The following SAMMSON variants were observed in gnomAD, a reference collection of about 807,000 sequenced individuals.
SAMMSON encodes long intergenic non-protein coding RNA 1212.
intron 6 of SAMMSON, among the ~76,000 whole-genome samples, chr3:70,280,465 G>A (rs1257876576): frequency 7.2e-5 from 11 of 152,222 alleles, no homozygotes; most frequent in African/African-American, 1.4e-4. Flanking sequence ...TCTCAAATAA[G>A]GCATCAATAC....
intron 4 of SAMMSON, among the ~76,000 whole-genome samples, chr3:70,209,525 G>A (rs1268885897): frequency 6.6e-6 from 1 of 152,036 alleles, no homozygotes; most frequent in Non-Finnish European, 1.5e-5. Context: ...GTATGAATGG[G>A]TATCCCCAGT....
At chr3:70,379,811 T>C (rs1476743590) in intron 9 of SAMMSON, among the ~76,000 whole-genome samples, 5 of 152,126 alleles carry the variant, frequency 3.3e-5, no homozygotes, top group Non-Finnish European at 7.3e-5. Context: ...AAGCGTGTTA[T>C]GCATGCTACC....
intron 4 of SAMMSON, among the ~76,000 whole-genome samples, chr3:70,129,272 G>A (rs189050545): frequency 1.3e-5 from 2 of 152,248 alleles, no homozygotes; most frequent in Non-Finnish European, 1.5e-5. Context: ...AGTACTTACT[G>A]TGTTCCAGGT....
At chr3:70,374,112 C>T (rs928022867) in intron 9 of SAMMSON, among the ~76,000 whole-genome samples, 2 of 152,134 alleles carry the variant, frequency 1.3e-5, no homozygotes, top group South Asian at 4.1e-4. Context: ...CAGGGTTTCT[C>T]CATGTTGGTC....
At chr3:70,341,714 G>A (rs993392788) in intron 7 of SAMMSON, among the ~76,000 whole-genome samples, 5 of 152,050 alleles carry the variant, frequency 3.3e-5, no homozygotes, top group East Asian at 3.9e-4. Flanking sequence ...TTTTGTCCAC[G>A]AGGACATAAG....
chr3:70,318,300 AT>A (rs992471655), intron 7 of SAMMSON, among the ~76,000 whole-genome samples: 13 of 151,870 alleles, frequency 8.6e-5, no homozygotes, highest in Admixed American at 8.5e-4. Flanking sequence ...GGCTTTGATC[AT>A]TTTTTTCCCC....
chr3:70,192,570 C>T (rs749651753), intron 4 of SAMMSON, among the ~76,000 whole-genome samples: 3 of 152,160 alleles, frequency 2.0e-5, no homozygotes, highest in Admixed American at 1.3e-4. Context: ...GATAAACAAC[C>T]CCTACTCTCT....
At chr3:70,209,433 C>T (rs759878754) in intron 4 of SAMMSON, among the ~76,000 whole-genome samples, 39 of 151,972 alleles carry the variant, frequency 2.6e-4, no homozygotes, top group African/African-American at 8.7e-4. Context: ...TCTATGTTAC[C>T]GCTTATATAC....
intron 4 of SAMMSON, among the ~76,000 whole-genome samples, chr3:70,192,401 C>G (rs1701137615): frequency 6.6e-6 from 1 of 152,192 alleles, no homozygotes; most frequent in South Asian, 2.1e-4. Flanking sequence ...GAGAAGGAGA[C>G]TTGGCCAGGG....
chr3:70,300,350 C>T (rs1996817), intron 7 of SAMMSON, among the ~76,000 whole-genome samples: 72,655 of 151,832 alleles, frequency 0.48, 18,010 homozygotes, highest in Non-Finnish European at 0.55. Flanking sequence ...ATTATACAGA[C>T]GTTTATTATA....
At chr3:70,141,324 G>C (rs2067526707) in intron 4 of SAMMSON, among the ~76,000 whole-genome samples, 1 of 152,218 alleles carries the variant, frequency 6.6e-6, no homozygotes, top group African/African-American at 2.4e-5. Flanking sequence ...GTTTGAGCCT[G>C]AGGGTCTGAG....
At chr3:70,095,584 C>T (rs1447094468) in intron 4 of SAMMSON, among the ~76,000 whole-genome samples, 1 of 152,140 alleles carries the variant, frequency 6.6e-6, no homozygotes, top group African/African-American at 2.4e-5. Context: ...AAAAAGTAGG[C>T]TCAACACCCA....
At chr3:70,271,950 A>G (rs1045746251) in intron 6 of SAMMSON, 3 of 152,166 alleles carry the variant, frequency 2.0e-5, no homozygotes, top group Non-Finnish European at 4.4e-5. Context: ...TTTTGTAGAG[A>G]CAACGTTTCA....
intron 4 of SAMMSON, among the ~76,000 whole-genome samples, chr3:70,236,387 C>G (rs1303255667): frequency 6.6e-6 from 1 of 152,074 alleles, no homozygotes; most frequent in Admixed American, 6.6e-5. Context: ...TTTTATTATA[C>G]ATTTATATTT....
intron 2 of SAMMSON, among the ~76,000 whole-genome samples, chr3:70,404,766 G>A (rs1158810901): frequency 6.6e-6 from 1 of 152,120 alleles, no homozygotes; most frequent in Non-Finnish European, 1.5e-5. Context: ...TCTATCCGAG[G>A]CACTTTCTGG....
At chr3:70,133,378 A>G (rs1227070124) in intron 4 of SAMMSON, among the ~76,000 whole-genome samples, 1 of 152,174 alleles carries the variant, frequency 6.6e-6, no homozygotes, top group East Asian at 1.9e-4. Flanking sequence ...TGGAGAAGGC[A>G]TGGACACTCT....
intron 2 of SAMMSON, among the ~76,000 whole-genome samples, chr3:70,430,977 C>A (rs1436578190): frequency 6.6e-6 from 1 of 151,944 alleles, no homozygotes; most frequent in Non-Finnish European, 1.5e-5. Context: ...TAATATATTT[C>A]AACTATTCAG....
chr3:70,348,298 A>C (rs1179690039), intron 7 of SAMMSON, among the ~76,000 whole-genome samples: 2 of 152,186 alleles, frequency 1.3e-5, no homozygotes, highest in Non-Finnish European at 2.9e-5. Context: ...TAACCAGGGC[A>C]AAGGTTCTGT....
chr3:70,428,548 A>G (rs892542158), intron 2 of SAMMSON, among the ~76,000 whole-genome samples: 5 of 152,238 alleles, frequency 3.3e-5, no homozygotes, highest in Non-Finnish European at 7.3e-5. Flanking sequence ...TTGGAATCCA[A>G]TGACTAATGC....
Sources: gnomAD v4.1 joint callset for allele counts (sites outside exome capture counted in the v4.1 genomes callset) on GRCh38, gnomAD v4.1.1 for gene constraint, MANE v1.5 for transcripts, NCBI Gene and HGNC (gene_info 2026-07-23, HGNC 2026-07-21) for gene names.